The following ALMS1 variants were observed in gnomAD, a reference collection of about 807,000 sequenced individuals.
ALMS1 encodes ALMS1 centrosome and basal body associated protein, also known as centrosome-associated protein ALMS1.
ALMS1 carries 271 observed loss-of-function variants against 352.2 expected under a neutral mutation model. That is an observed-to-expected ratio of 0.77 (90% CI 0.70 to 0.85). The LOEUF (loss-of-function observed/expected upper bound fraction) is 0.85, where lower values mean the gene tolerates loss of function less well. Among genes scored for constraint, ALMS1 ranks in the 40% least tolerant of loss-of-function variants. ALMS1 has a pLI of 0.00. For missense variants in ALMS1, 5,445 were observed against 4,870.7 expected (o/e 1.12, Z -3.51); for synonymous variants, 1,865 against 1,761.2 (o/e 1.06, Z -1.48).
At chr2:73,445,126 G>A (rs1671785404) in intron 7 of ALMS1, among the ~76,000 whole-genome samples, 1 of 151,962 alleles carries the variant, frequency 6.6e-6, no homozygotes, top group Non-Finnish European at 1.5e-5. Context: ...TGAGAACATA[G>A]TAGGTGTATA....
At chr2:73,391,002 C>T (rs139934076) in intron 1 of ALMS1, among the ~76,000 whole-genome samples, 42 of 152,086 alleles carry the variant, frequency 2.8e-4, no homozygotes, top group African/African-American at 9.6e-4. Flanking sequence ...ATCTCTTGAC[C>T]TCAGGTTATC....
At chr2:73,395,364 C>T (rs552311229) in intron 1 of ALMS1, among the ~76,000 whole-genome samples, 1 of 151,996 alleles carries the variant, frequency 6.6e-6, no homozygotes, top group East Asian at 1.9e-4. Flanking sequence ...GAGGTGTGAG[C>T]CACCATGCTG....
In ALMS1 at chr2:73,465,293, T is replaced by C. The variant is rs560378451; in HGVS notation, c.7674+9998T>C. Among the ~76,000 whole-genome samples the C allele has an allele frequency of 6.8e-4, 103 of 152,192 alleles. 1 individual carries two copies. The highest frequency in any genetic ancestry group is 1.1e-3 in the Non-Finnish European group (76 of 68,008). The stretch of plus-strand genomic sequence containing the variant: ...TGGTACTGGTACCAAAACAGAGATA[T>C]AGATCAATGGAACAGAACAGAGCCC... On this transcript the variant is annotated intron_variant, in intron 9 of 22. Coordinates refer to ENST00000613296, the MANE Select transcript of ALMS1 (RefSeq NM_001378454.1).
At position 73,461,322 on chromosome 2, in the gene ALMS1, G is replaced by A. The variant is rs181836942; in HGVS notation, c.7674+6027G>A. 8.8e-3 allele frequency among the ~76,000 whole-genome samples: 1,340 copies of A among 152,308 alleles called. 13 individuals are homozygous for A. Among genetic ancestry groups the A allele is most frequent in the African/African-American group, 0.031 (1,284 of 41,582 alleles). ...CAGTCACTGCTGTTGTGCAGCCACCGCTGCTGATACCCAGGCAAACAGGGT... is the reference window on the plus strand; with the variant it reads ...CAGTCACTGCTGTTGTGCAGCCACCACTGCTGATACCCAGGCAAACAGGGT... On this transcript the variant is annotated intron_variant, in intron 9 of 22. Transcript: ENST00000613296.
rs538315266 is a variant in ALMS1 at position 73,572,698 on chromosome 2, G to GCGAC, written c.10822_10825dup (p.Gln3609ProfsTer9). On this transcript the variant is annotated frameshift_variant, in exon 16 of 23. Transcript: ENST00000613296. LOFTEE classifies it high-confidence loss of function. ...ATGAACTGTGGAACAAGTATCGGGA[G>GCGAC]CGACAGAGGCAACAGAGACAGCCTG... is the stretch of plus-strand genomic sequence containing the variant. The GCGAC allele has an allele frequency of 1.9e-6, 3 of 1,614,078 alleles. No individual in the cohort carries two copies. The South Asian group carries it at 3.3e-5, about 18-fold the overall frequency.
intron 2 of ALMS1, among the ~76,000 whole-genome samples, chr2:73,410,571 A>G (rs1176315404): frequency 6.6e-6 from 1 of 151,996 alleles, no homozygotes; most frequent in African/African-American, 2.4e-5. Context: ...ATTTGTTGGG[A>G]TGTATTGTTT....
At chr2:73,393,099 A>C (rs1262921095) in intron 1 of ALMS1, among the ~76,000 whole-genome samples, 1 of 152,144 alleles carries the variant, frequency 6.6e-6, no homozygotes, top group African/African-American at 2.4e-5. Flanking sequence ...AGAAATATCT[A>C]TTCAGGTCAA....
chr2:73,544,041 A>G (rs961498158), intron 12 of ALMS1, among the ~76,000 whole-genome samples: 7 of 152,232 alleles, frequency 4.6e-5, no homozygotes, highest in African/African-American at 4.8e-5. Flanking sequence ...ATTATAAATC[A>G]TGCTGCTATA....
chr2:73,569,633 T>A (rs1156738246), intron 15 of ALMS1, among the ~76,000 whole-genome samples: 1 of 152,196 alleles, frequency 6.6e-6, no homozygotes. Context: ...CCCTGTAGAA[T>A]TTGGCCCCAA....
chr2:73,559,786 T>C lies in ALMS1; in HGVS notation c.10384+644T>C, dbSNP rs1012216132. Among the ~76,000 whole-genome samples, 3 of 152,202 alleles carry C rather than the reference T, an allele frequency of 2.0e-5. No homozygotes were observed. In the South Asian group the frequency reaches 6.2e-4, roughly 31 times the overall value. ...CCAAGACTACACAATGGGGAAAGGA[T>C]AGTCTCTTCAACAAATGGTGTTGGG... On this transcript the variant is annotated intron_variant, in intron 15 of 22. Transcript: ENST00000613296.
At chr2:73,408,771 CT>C (rs750536453) in intron 2 of ALMS1, 24 bp downstream of exon 2, 21,343 of 1,102,736 alleles carry the variant, frequency 0.019, 1 homozygote, top group East Asian at 0.033. Context: ...AACTGGCTAA[CT>C]TTTTTTTTTT....
At chr2:73,435,337 CATGAAGTGA>C (rs1303600931) in intron 7 of ALMS1, among the ~76,000 whole-genome samples, 2 of 151,922 alleles carry the variant, frequency 1.3e-5, no homozygotes, top group African/African-American at 2.4e-5. Flanking sequence ...TTTATTATTG[CATGAAGTGA>C]ATATTTTCTA....
intron 10 of ALMS1, among the ~76,000 whole-genome samples, chr2:73,502,667 C>T (rs944285558): frequency 5.3e-5 from 8 of 152,076 alleles, no homozygotes; most frequent in Non-Finnish European, 7.4e-5. Flanking sequence ...CATGTTTTCT[C>T]CTTTTTTCTA....
intron 16 of ALMS1, among the ~76,000 whole-genome samples, chr2:73,592,659 T>C (rs1558707426): frequency 6.6e-6 from 1 of 152,326 alleles, no homozygotes; most frequent in South Asian, 2.1e-4. Flanking sequence ...AGAATAGCAG[T>C]GTAGGGTCAT....
At chr2:73,521,394 A>C (rs1428326767) in intron 11 of ALMS1, among the ~76,000 whole-genome samples, 1 of 152,046 alleles carries the variant, frequency 6.6e-6, no homozygotes, top group Non-Finnish European at 1.5e-5. Context: ...GTCAATAGCT[A>C]TCCTAGAGTG....
chr2:73,482,019 G>A (rs1672718187), intron 9 of ALMS1, among the ~76,000 whole-genome samples: 1 of 152,144 alleles, frequency 6.6e-6, no homozygotes, highest in African/African-American at 2.4e-5. Context: ...CATGTCATCT[G>A]CAAACAGGGA....
At chr2:73,542,261 C>G (rs1674201450) in intron 12 of ALMS1, among the ~76,000 whole-genome samples, 1 of 152,130 alleles carries the variant, frequency 6.6e-6, no homozygotes, top group Non-Finnish European at 1.5e-5. Context: ...GAACCAAAGA[C>G]AAAAACCACA....
At chr2:73,432,318 G>A (rs1180933803) in intron 7 of ALMS1, 27 bp downstream of exon 7, 2 of 1,519,850 alleles carry the variant, frequency 1.3e-6, no homozygotes, top group East Asian at 2.3e-5. Flanking sequence ...GATAGTAAAT[G>A]TCCTACTTAC....
chr2:73,562,925 GTTAAAA>G (rs950330783), intron 15 of ALMS1, among the ~76,000 whole-genome samples: 10 of 151,550 alleles, frequency 6.6e-5, no homozygotes, highest in Admixed American at 1.3e-4. Context: ...CCCTAAAAGA[GTTAAAA>G]TTAAACTATA....
Sources: allele counts gnomAD v4.1 joint callset (sites outside exome capture counted in the v4.1 genomes callset), GRCh38; gene constraint gnomAD v4.1.1; transcripts MANE v1.5; gene names NCBI Gene and HGNC (gene_info 2026-07-23, HGNC 2026-07-21).